GOLGA4: variants seen among roughly 807,000 people sequenced by gnomAD.
The protein encoded by GOLGA4 is golgin subfamily A member 4.
Under a neutral mutation model 265.9 loss-of-function variants are expected in GOLGA4, and 169 were observed. That is an observed-to-expected ratio of 0.64 (90% CI 0.56 to 0.72). GOLGA4 has a LOEUF of 0.72. Among genes scored for constraint, GOLGA4 ranks in the 30% least tolerant of loss-of-function variants. GOLGA4 has a pLI of 0.00. For synonymous variants in GOLGA4, 923 were observed against 855.8 expected (o/e 1.08, Z -1.37); for missense variants, 2,482 against 2,483.4 (o/e 1.00, Z 0.01).
chr3:37,294,700 A>G (rs142256120), intron 5 of GOLGA4, among the ~76,000 whole-genome samples: 55 of 152,146 alleles, frequency 3.6e-4, no homozygotes, highest in African/African-American at 1.3e-3. Flanking sequence ...TTAAGTGATT[A>G]TTTATTTTCT....
chr3:37,307,222 A>G (rs774418495), intron 10 of GOLGA4, among the ~76,000 whole-genome samples: 1 of 151,980 alleles, frequency 6.6e-6, no homozygotes, highest in Non-Finnish European at 1.5e-5. Flanking sequence ...TTGCTTTTTT[A>G]TTGTCATGTT....
At chr3:37,334,645 C>T (rs969526989) in intron 16 of GOLGA4, among the ~76,000 whole-genome samples, 9 of 152,130 alleles carry the variant, frequency 5.9e-5, no homozygotes, top group Admixed American at 3.9e-4. Flanking sequence ...ATAGAAAATG[C>T]TGAAGTCTTA....
At chr3:37,243,816 C>G in intron 1 of GOLGA4, 194 bp downstream of exon 1, 1 of 586,464 alleles carries the variant, frequency 1.7e-6, no homozygotes, top group South Asian at 2.1e-5. Context: ...ATTTTCCCAT[C>G]GCAAAACTTC....
chr3:37,321,870 C>A lies in GOLGA4; in HGVS notation c.1685C>A (p.Ala562Glu). The A allele has an allele frequency of 1.2e-6, 2 of 1,600,844 alleles. No homozygotes were observed. Among genetic ancestry groups the A allele is most frequent in the Non-Finnish European group, 1.7e-6 (2 of 1,176,280 alleles). Reference protein sequence around the residue: ...ENKLRDLQQEAETYRTRILEL... With the variant: ...ENKLRDLQQEEETYRTRILEL... ...AAACTTCGGGACCTTCAGCAAGAAGCAGAGACTTACAGAACTGTAAGTTTT... is the reference window on the plus strand; with the variant it reads ...AAACTTCGGGACCTTCAGCAAGAAGAAGAGACTTACAGAACTGTAAGTTTT... The change falls in exon 13 of 24, where the codon GCA becomes GAA. Residue 562 changes from alanine (A) to glutamate (E), a missense_variant. Ala to Glu is a moderately radical substitution (Grantham distance 107, BLOSUM62 -1). Transcript: ENST00000361924.
chr3:37,327,124 T>G lies in GOLGA4; in HGVS notation c.5238T>G (p.Thr1746=), dbSNP rs774960782. Residue 1746 remains threonine (T), a synonymous_variant, in exon 14 of 24, where the codon ACT becomes ACG. Transcript: ENST00000361924. The part of the protein sequence containing the change: ...EKISVLQRNL[T]EKEKLLQRVG... ...TCAGTGTTTTACAAAGAAACTTAAC[T>G]GAAAAAGAAAAGCTATTGCAGAGGG... 60 of 1,613,238 alleles carry G rather than the reference T, an allele frequency of 3.7e-5. No individual in the cohort carries two copies. The South Asian group carries it at 6.2e-4, about 17-fold the overall frequency.
intron 22 of GOLGA4, among the ~76,000 whole-genome samples, chr3:37,355,696 A>C (rs185248031): frequency 2.6e-5 from 4 of 152,266 alleles, no homozygotes; most frequent in Admixed American, 6.5e-5. Flanking sequence ...GTGTGAAGTC[A>C]GCTGTAATTG....
intron 9 of GOLGA4, among the ~76,000 whole-genome samples, chr3:37,300,055 A>G (rs1419993609): frequency 6.6e-6 from 1 of 152,166 alleles, no homozygotes; most frequent in Non-Finnish European, 1.5e-5. Flanking sequence ...TGTCTCTTAA[A>G]AAAACAACAA....
chr3:37,250,433 A>G (rs527318971), intron 1 of GOLGA4: 2 of 152,300 alleles, frequency 1.3e-5, no homozygotes, highest in South Asian at 4.1e-4. Context: ...ATATATGTGT[A>G]TATAGAGTAT....
At chr3:37,322,598 G>GAC (rs2096958153) in intron 13 of GOLGA4, among the ~76,000 whole-genome samples, 1 of 152,030 alleles carries the variant, frequency 6.6e-6, no homozygotes, top group African/African-American at 2.4e-5. Flanking sequence ...GGGTGAAATG[G>GAC]ACACTTAGGA....
chr3:37,292,433 A>G (rs1301982129), intron 5 of GOLGA4, among the ~76,000 whole-genome samples: 1 of 152,204 alleles, frequency 6.6e-6, no homozygotes, highest in Non-Finnish European at 1.5e-5. Context: ...TACGCCTGTA[A>G]TCCCAGCACT....
At chr3:37,244,776 G>A (rs1466628725) in intron 1 of GOLGA4, among the ~76,000 whole-genome samples, 3 of 152,196 alleles carry the variant, frequency 2.0e-5, no homozygotes, top group African/African-American at 4.8e-5. Flanking sequence ...CAACACTGAA[G>A]GGTTGCTTCT....
chr3:37,322,571 G>A (rs4635655), intron 13 of GOLGA4, among the ~76,000 whole-genome samples: 59,840 of 151,916 alleles, frequency 0.39, 12,354 homozygotes, highest in Non-Finnish European at 0.43. Flanking sequence ...ACTAACACTT[G>A]CAAAAGGTTC....
intron 4 of GOLGA4, chr3:37,287,567 A>C (rs912414146): frequency 2.6e-5 from 4 of 152,252 alleles, no homozygotes; most frequent in Non-Finnish European, 5.9e-5. Flanking sequence ...TCCTGTGAAG[A>C]AACTGAGGGA....
At chr3:37,253,224 G>A (rs539674392) in intron 2 of GOLGA4, among the ~76,000 whole-genome samples, 27 of 151,104 alleles carry the variant, frequency 1.8e-4, no homozygotes, top group Non-Finnish European at 2.5e-4. Flanking sequence ...ACCAGCCTAG[G>A]TGACACAGTA....
Position 37,255,753 on chromosome 3 carries a change from T to A in GOLGA4, c.162+4269T>A, listed in dbSNP as rs1306449873. On this transcript the variant is annotated intron_variant, in intron 2 of 23. Coordinates refer to ENST00000361924, the MANE Select transcript of GOLGA4 (RefSeq NM_002078.5). ...CACATTTTCTTTTAAAAAAAAGCAT[T>A]TTTTTTTTTTGTTTTTTGAGACAGG... Among the ~76,000 whole-genome samples the A allele has an allele frequency of 0.026, 3 of 114 alleles. No homozygotes were observed. The Admixed American group carries it at 0.3, about 11-fold the overall frequency. The allele number at this position is 114 out of a possible 152,430, so 0.1% of individuals were successfully genotyped here. A position where few individuals can be genotyped will look rare whatever the true frequency, so the allele number is the denominator to read the frequency against.
At chr3:37,250,580 T>C (rs1297040685) in intron 1 of GOLGA4, 3 of 152,222 alleles carry the variant, frequency 2.0e-5, no homozygotes, top group African/African-American at 7.2e-5. Flanking sequence ...ATTAACTGCC[T>C]TTTGTAAAGT....
intron 10 of GOLGA4, among the ~76,000 whole-genome samples, chr3:37,314,177 T>G (rs977591192): frequency 6.6e-6 from 1 of 151,836 alleles, no homozygotes; most frequent in Non-Finnish European, 1.5e-5. Flanking sequence ...GCCAGGCTGG[T>G]CTTGAACTCC....
rs766941207 is a variant in GOLGA4 at position 37,302,313 on chromosome 3, AGAAAAGTCC to A, written c.1220_1228del (p.Lys407_Glu409del). On this transcript the variant is annotated inframe_deletion, in exon 10 of 24. Transcript: ENST00000361924. ...AGGGAGAGGAATTACGGGAACAGAA[AGAAAAGTCC>A]GAAAGAGCTGGTAAGAACTTGAGGG... 22 of 1,613,736 alleles carry A rather than the reference AGAAAAGTCC, an allele frequency of 1.4e-5. No homozygotes were observed. The Admixed American group carries it at 1.7e-4, about 12-fold the overall frequency.
At chr3:37,289,579 T>C (rs550377280) in intron 5 of GOLGA4, among the ~76,000 whole-genome samples, 124 of 152,368 alleles carry the variant, frequency 8.1e-4, no homozygotes, top group Admixed American at 1.6e-3. Flanking sequence ...GTTATGTATT[T>C]CAGGCTTCTT....
Sources: gnomAD v4.1 joint callset for allele counts (sites outside exome capture counted in the v4.1 genomes callset) on GRCh38, gnomAD v4.1.1 for gene constraint, MANE v1.5 for transcripts, NCBI Gene and HGNC (gene_info 2026-07-23, HGNC 2026-07-21) for gene names.